The following WBP1 variants were observed in gnomAD, a reference collection of about 807,000 sequenced individuals.
The protein encoded by WBP1 is WW domain binding protein 1.
WBP1 carries 18 observed loss-of-function variants against 25.6 expected under a neutral mutation model. The observed-to-expected ratio is 0.70, with a 90% CI of 0.49 to 1.04. WBP1 has a LOEUF of 1.04. Ranked by LOEUF, WBP1 falls within the 50% of genes least tolerant of loss-of-function variation. The pLI, the probability that WBP1 is intolerant of heterozygous loss-of-function variation, is 0.00. For missense variants in WBP1, 330 were observed against 352.9 expected, an observed-to-expected ratio of 0.94 and a Z score of 0.52; for synonymous variants, 122 against 137.7, an observed-to-expected ratio of 0.89 and a Z score of 0.80.
Position 74,458,644 on chromosome 2 carries a change from G to C in WBP1, c.42G>C (p.Trp14Cys), listed in dbSNP as rs771701768. 2 of 1,571,842 alleles carry C rather than the reference G, an allele frequency of 1.3e-6. No individual in the cohort carries two copies. Among genetic ancestry groups the C allele is most frequent in the Admixed American group, 1.9e-5 (1 of 51,678 alleles). ...ASSGNGSEEAWGALRAPQQQL... is the reference protein window; with the variant it reads ...ASSGNGSEEACGALRAPQQQL... ...GCGGGAACGGCAGCGAGGAGGCCTGGGGGGCACTTCGGGCGCCGCAACAGC... is the reference window on the plus strand; with the variant it reads ...GCGGGAACGGCAGCGAGGAGGCCTGCGGGGCACTTCGGGCGCCGCAACAGC... Residue 14 changes from tryptophan to cysteine, a missense_variant, in exon 1 of 4, where the codon TGG (tryptophan) becomes TGC (cysteine). Coordinates refer to ENST00000233615, the MANE Select transcript of WBP1 (RefSeq NM_012477.4).
At position 74,460,455 on chromosome 2, in the gene WBP1, C is replaced by T. The variant is rs1671866851; in HGVS notation, c.584C>T (p.Thr195Ile). The T allele has an allele frequency of 9.9e-6, 16 of 1,613,308 alleles. No homozygotes were observed. Among genetic ancestry groups the T allele is most frequent in the Non-Finnish European group, 1.2e-5 (14 of 1,179,988 alleles). ...GAGGGTGAGCCCGGGGCAGGGGTGA[C>T]CCCTGCCTCCACACCCCCCTCCTGC... ...HQEGEPGAGVTPASTPPSCRY... is the reference protein window; with the variant it reads ...HQEGEPGAGVIPASTPPSCRY... The change falls in exon 4 of 4, where the codon ACC becomes ATC. Residue 195 changes from threonine to isoleucine, a missense_variant. By Grantham distance (89) the Thr-to-Ile change is moderately conservative. Coordinates refer to ENST00000233615, the MANE Select transcript of WBP1 (RefSeq NM_012477.4).
intron 1 of WBP1, chr2:74,458,934 A>G: frequency 2.6e-6 from 4 of 1,550,900 alleles, no homozygotes; most frequent in Non-Finnish European, 3.5e-6. Context: ...GGTCCCAGGG[A>G]GGCTCCCTCT....
chr2:74,460,176 T>G lies in WBP1; in HGVS notation c.350-45T>G, dbSNP rs369595876. On this transcript the variant is annotated intron_variant, in intron 3 of 3. Transcript: ENST00000233615. ...CCCTAATATAAAAACTAGCACCCTA[T>G]ACCTGGTTGTCTTCAACCAATCATG... The G allele has an allele frequency of 1.0e-5, 16 of 1,584,046 alleles. No homozygotes were observed. In the South Asian group the frequency reaches 1.6e-4, roughly 16 times the overall value.
At chr2:74,459,590 A>G (rs1671829539) in intron 1 of WBP1, 53 bp from the exon 2 acceptor site, 11 of 1,557,060 alleles carry the variant, frequency 7.1e-6, no homozygotes, top group Non-Finnish European at 9.7e-6. Flanking sequence ...GTGGGGGTGG[A>G]CAGTGCCCTG....
At position 74,458,937 on chromosome 2, in the gene WBP1, C is replaced by T. The variant is rs1323322195; in HGVS notation, c.69+266C>T. ...GAGGCATAGTGAGGTCCCAGGGAGG[C>T]TCCCTCTGTCTTGCAACAGTTATTT... On this transcript the variant is annotated intron_variant, in intron 1 of 3. Coordinates refer to ENST00000233615, the MANE Select transcript of WBP1 (RefSeq NM_012477.4). 1.9e-6 allele frequency: 3 copies of T among 1,550,862 alleles called. No homozygotes were observed. In the Admixed American group the frequency reaches 5.9e-5, roughly 30 times the overall value.
Position 74,458,661 on chromosome 2 carries a change from C to T in WBP1, c.59C>T (p.Pro20Leu), listed in dbSNP as rs1671788634. The stretch of plus-strand genomic sequence containing the variant: ...GAGGCCTGGGGGGCACTTCGGGCGC[C>T]GCAACAGCAGGTATCCCAATAGCTC... ...SEEAWGALRA[P>L]QQQLRELCPG... The change falls in exon 1 of 4, where the codon CCG (proline) becomes CTG (leucine). Residue 20 changes from proline to leucine, a missense_variant. By Grantham distance (98) the Pro-to-Leu change is moderately conservative. Coordinates refer to ENST00000233615, the MANE Select transcript of WBP1 (RefSeq NM_012477.4). The T allele has an allele frequency of 2.5e-6, 4 of 1,572,638 alleles. No homozygotes were observed. The highest frequency in any genetic ancestry group is 2.6e-6 in the Non-Finnish European group (3 of 1,159,128).
rs762339861 is a variant in WBP1, at chr2:74,460,210, C to T, written c.350-11C>T. On this transcript the variant is annotated splice_polypyrimidine_tract_variant and intron_variant, in intron 3 of 3. Transcript: ENST00000233615. Reference sequence around the variant, plus strand: ...GTCTTCAACCAATCATGCCAATTTTCTCCCCTGCAGGCTTCCTCAGCACCT... The same window carrying T: ...GTCTTCAACCAATCATGCCAATTTTTTCCCCTGCAGGCTTCCTCAGCACCT... The T allele has an allele frequency of 6.3e-7, 1 of 1,598,434 alleles. No individual in the cohort carries two copies. The highest frequency in any genetic ancestry group is 1.1e-5 in the South Asian group (1 of 89,812).
chr2:74,459,059 C>A (rs1175593097), intron 1 of WBP1: 1 of 1,550,074 alleles, frequency 6.5e-7, no homozygotes, highest in East Asian at 2.4e-5. Context: ...AGACTCGCGC[C>A]CTGGATGCCA....
chr2:74,458,920 G>C (rs1232557356), intron 1 of WBP1: 1 of 1,551,048 alleles, frequency 6.4e-7, no homozygotes, highest in South Asian at 1.2e-5. Flanking sequence ...CAGAGGCATA[G>C]TGAGGTCCCA....
At position 74,460,342 on chromosome 2, in the gene WBP1, C is replaced by T. The variant is rs747689185; in HGVS notation, c.471C>T (p.Cys157=). The change falls in exon 4 of 4, where the codon TGC becomes TGT. Residue 157 remains cysteine (C), a synonymous_variant. Transcript: ENST00000233615. ...RPLTASSEQT[C]CSSSSSCPAH... ...TGACTGCTTCCAGTGAACAAACCTG[C>T]TGTTCCTCCTCATCCAGCTGCCCTG... The T allele has an allele frequency of 6.2e-7, 1 of 1,614,048 alleles. No homozygotes were observed. The highest frequency in any genetic ancestry group is 1.7e-5 in the Admixed American group (1 of 60,012).
Position 74,458,493 on chromosome 2 carries a change from T to C in WBP1, c.-110T>C. Reference sequence around the variant, plus strand: ...CTCCGGCCGCGGAGTGATGGTGGCCTCAGCGAAGATGGGCCGGGCAGGGAC... The same window carrying C: ...CTCCGGCCGCGGAGTGATGGTGGCCCCAGCGAAGATGGGCCGGGCAGGGAC... On this transcript the variant is annotated 5_prime_UTR_variant, in exon 1 of 4. Transcript: ENST00000233615. 1 of 1,482,398 alleles carries C rather than the reference T, an allele frequency of 6.7e-7. No homozygotes were observed. The highest frequency in any genetic ancestry group is 9.0e-7 in the Non-Finnish European group (1 of 1,110,490). The allele number at this position is 1,482,398 out of a possible 1,614,324, so 91.8% of individuals were successfully genotyped here.
chr2:74,459,785 A>AC, intron 2 of WBP1, 40 bp downstream of exon 2: 1 of 1,613,550 alleles, frequency 6.2e-7, no homozygotes, highest in Non-Finnish European at 8.5e-7. Flanking sequence ...CCCTGTGTCC[A>AC]CCCTCCCTTG....
At position 74,460,268 on chromosome 2, in the gene WBP1, C is replaced by T. The variant is rs369013249; in HGVS notation, c.397C>T (p.Arg133Cys). The change falls in exon 4 of 4, where the codon CGC (arginine) becomes TGC (cysteine). Residue 133 changes from arginine (R) to cysteine (C), a missense_variant. Coordinates refer to ENST00000233615, the MANE Select transcript of WBP1 (RefSeq NM_012477.4). ...KPPAYEDVVH[R>C]PGTPPPPYTV... ...CCCAGCCTACGAGGATGTGGTTCACCGCCCAGGCACACCACCCCCCCCTTA... is the reference window on the plus strand; with the variant it reads ...CCCAGCCTACGAGGATGTGGTTCACTGCCCAGGCACACCACCCCCCCCTTA... 25 of 1,613,648 alleles carry T rather than the reference C, an allele frequency of 1.5e-5. No homozygotes were observed. The South Asian group carries it at 1.6e-4, about 11-fold the overall frequency.
At chr2:74,459,185 T>TGG (rs1205556931) in intron 1 of WBP1, 3 of 1,507,092 alleles carry the variant, frequency 2.0e-6, no homozygotes, top group Admixed American at 4.1e-5. Context: ...CAGTTGCGGG[T>TGG]GGGGGGTAGT....
At position 74,460,441 on chromosome 2, in the gene WBP1, C is replaced by G. The variant is rs775795287; in HGVS notation, c.570C>G (p.Pro190=). The change falls in exon 4 of 4, where the codon CCC becomes CCG. Residue 190 remains proline, a synonymous_variant. Transcript: ENST00000233615. The part of the protein sequence containing the change: ...QSAPPHQEGE[P]GAGVTPASTP... ...CCCCCCCTCATCAGGAGGGTGAGCC[C>G]GGGGCAGGGGTGACCCCTGCCTCCA... 6.2e-7 allele frequency: 1 copy of G among 1,613,490 alleles called. No individual in the cohort carries two copies. Among genetic ancestry groups the G allele is most frequent in the Admixed American group, 1.7e-5 (1 of 60,018 alleles).
In WBP1 at chr2:74,458,466, A is replaced by T. The variant is rs1671779226; in HGVS notation, c.-137A>T. ...GTTGGTGGAGTTCTGCCCGGATGGAAGCTCCGGCCGCGGAGTGATGGTGGC... is the reference window on the plus strand; with the variant it reads ...GTTGGTGGAGTTCTGCCCGGATGGATGCTCCGGCCGCGGAGTGATGGTGGC... On this transcript the variant is annotated 5_prime_UTR_variant, in exon 1 of 4. In the 5' UTR this introduces an upstream ATG that the reference lacks. Transcript: ENST00000233615. The T allele has an allele frequency of 6.9e-7, 1 of 1,456,314 alleles. No homozygotes were observed. Among genetic ancestry groups the T allele is most frequent in the Non-Finnish European group, 9.1e-7 (1 of 1,101,926 alleles). The allele number at this position is 1,456,314 out of a possible 1,614,324, so 90.2% of individuals were successfully genotyped here. A position where few individuals can be genotyped will look rare whatever the true frequency, so the allele number is the denominator to read the frequency against.
rs756985690 is a variant in WBP1, at chr2:74,459,760, G to A, written c.172+15G>A. ...TGAGCTCTGGTGTAAGTCTCCAAGA[G>A]GGCTATTTCCAGGTCCCTGTGTCCA... On this transcript the variant is annotated intron_variant, in intron 2 of 3. Transcript: ENST00000233615. 4 of 1,614,164 alleles carry A rather than the reference G, an allele frequency of 2.5e-6. No homozygotes were observed. Among genetic ancestry groups the A allele is most frequent in the Middle Eastern group, 1.7e-4 (1 of 6,060 alleles).
intron 1 of WBP1, chr2:74,458,991 C>T: frequency 6.4e-7 from 1 of 1,550,610 alleles, no homozygotes; most frequent in Non-Finnish European, 8.7e-7. Flanking sequence ...CCTATTGTCA[C>T]AACAGAGTCC....
chr2:74,460,013 G>T lies in WBP1; in HGVS notation c.313G>T (p.Ala105Ser), dbSNP rs773026995. The T allele has an allele frequency of 9.9e-6, 16 of 1,613,976 alleles. No homozygotes were observed. The highest frequency in any genetic ancestry group is 1.4e-5 in the Non-Finnish European group (16 of 1,179,966). Residue 105 changes from alanine to serine, a missense_variant, in exon 3 of 4, where the codon GCT (alanine) becomes TCT (serine). By Grantham distance (99) the Ala-to-Ser change is moderately conservative. Coordinates refer to ENST00000233615, the MANE Select transcript of WBP1 (RefSeq NM_012477.4). Reference protein sequence around the residue: ...LLAYHGACHGAGPFPTGSLLD... With the variant: ...LLAYHGACHGSGPFPTGSLLD... ...GGCCTATCATGGGGCATGCCATGGG[G>T]CTGGTCCTTTCCCTACCGGTTCACT...
Sources: allele counts gnomAD v4.1 joint callset, GRCh38; gene constraint gnomAD v4.1.1; transcripts MANE v1.5; gene names NCBI Gene and HGNC (gene_info 2026-07-23, HGNC 2026-07-21).